TUSC3: variants seen among roughly 807,000 people sequenced by gnomAD.
TUSC3 encodes dolichyl-diphosphooligosaccharide--protein glycosyltransferase subunit TUSC3.
TUSC3 carries 45 observed loss-of-function variants against 44.8 expected under a neutral mutation model. The ratio of observed to expected loss-of-function variants is 1.00; its 90% CI spans 0.79 to 1.29. The LOEUF is 1.29. Ranked by LOEUF, TUSC3 falls within the 50% of genes most tolerant of loss-of-function variation. The pLI is 0.00. For synonymous variants in TUSC3, 212 were observed against 152.9 expected (o/e 1.39, Z -2.85); for missense variants, 519 against 437.9 (o/e 1.19, Z -1.65).
intron 2 of TUSC3, among the ~76,000 whole-genome samples, chr8:15,523,949 G>A (rs900934774): frequency 1.3e-5 from 2 of 150,684 alleles, no homozygotes; most frequent in African/African-American, 2.4e-5. Context: ...CCATCTACTC[G>A]GGAGGCTGAG....
intron 4 of TUSC3, among the ~76,000 whole-genome samples, chr8:15,661,947 A>G (rs1349351165): frequency 6.6e-6 from 1 of 152,028 alleles, no homozygotes; most frequent in Non-Finnish European, 1.5e-5. Context: ...ATTGTTAGTC[A>G]TCAGGGAAGT....
intron 2 of TUSC3, among the ~76,000 whole-genome samples, chr8:15,492,553 G>C (rs1030476112): frequency 6.6e-6 from 1 of 152,052 alleles, no homozygotes; most frequent in Non-Finnish European, 1.5e-5. Flanking sequence ...CCTATTTCTG[G>C]AAGTGTTTAA....
At chr8:15,509,162 A>G (rs956174027) in intron 2 of TUSC3, among the ~76,000 whole-genome samples, 1 of 152,232 alleles carries the variant, frequency 6.6e-6, no homozygotes. Context: ...TCTGCTAAGA[A>G]TCCACATTGT....
chr8:15,446,167 C>CGG (rs1800094835), intron 1 of TUSC3, among the ~76,000 whole-genome samples: 1 of 148,978 alleles, frequency 6.7e-6, no homozygotes, highest in Non-Finnish European at 1.5e-5. Flanking sequence ...ACATCCCAGA[C>CGG]GGGGCATCGG....
the TUSC3 span, among the ~76,000 whole-genome samples, chr8:15,847,140 G>A: frequency 1.3e-5 from 2 of 152,154 alleles, no homozygotes; most frequent in South Asian, 2.1e-4. Context: ...GGGCAGGTCT[G>A]CATGTATTGC....
At chr8:15,417,806 T>C (rs1799677598) in intron 1 of TUSC3, among the ~76,000 whole-genome samples, 1 of 152,270 alleles carries the variant, frequency 6.6e-6, no homozygotes, top group Non-Finnish European at 1.5e-5. Flanking sequence ...CGTTGGCTTA[T>C]GGTTAAGCTG....
intron 1 of TUSC3, among the ~76,000 whole-genome samples, chr8:15,460,458 T>C (rs1800329799): frequency 6.6e-6 from 1 of 152,156 alleles, no homozygotes; most frequent in Admixed American, 6.5e-5. Context: ...GTATAGATTG[T>C]GAAGATTTTC....
intron 2 of TUSC3, among the ~76,000 whole-genome samples, chr8:15,493,316 A>C (rs1202104700): frequency 2.6e-5 from 4 of 152,102 alleles, no homozygotes; most frequent in Non-Finnish European, 5.9e-5. Flanking sequence ...GCTAGAGTGC[A>C]GTGGCTCAAT....
chr8:15,848,971 A>G, the TUSC3 span, among the ~76,000 whole-genome samples: 1 of 152,204 alleles, frequency 6.6e-6, no homozygotes, highest in African/African-American at 2.4e-5. Context: ...AAAACTTTTT[A>G]CAGGCAGAAA....
At chr8:15,631,547 CTCTTT>C (rs1402195367) in intron 2 of TUSC3, among the ~76,000 whole-genome samples, 1 of 152,102 alleles carries the variant, frequency 6.6e-6, no homozygotes, top group African/African-American at 2.4e-5. Flanking sequence ...GCATTTTGCT[CTCTTT>C]TAAGTATAGG....
chr8:15,443,319 A>C (rs1198741072), intron 1 of TUSC3, among the ~76,000 whole-genome samples: 3 of 145,136 alleles, frequency 2.1e-5, no homozygotes, highest in African/African-American at 5.2e-5. Context: ...CAGGTATACA[A>C]CACCACACCC....
intron 2 of TUSC3, among the ~76,000 whole-genome samples, chr8:15,513,536 T>C (rs1383981403): frequency 2.0e-5 from 3 of 152,150 alleles, no homozygotes; most frequent in African/African-American, 7.2e-5. Flanking sequence ...AAAGAAAAAA[T>C]ATAACTAAAC....
chr8:15,637,587 T>G (rs1045329356), intron 2 of TUSC3, among the ~76,000 whole-genome samples: 1 of 152,216 alleles, frequency 6.6e-6, no homozygotes, highest in African/African-American at 2.4e-5. Flanking sequence ...TGAAGAATTT[T>G]TATTCTTTCT....
At chr8:15,805,239 T>A in the TUSC3 span, among the ~76,000 whole-genome samples, 2 of 152,126 alleles carry the variant, frequency 1.3e-5, no homozygotes, top group Non-Finnish European at 2.9e-5. Context: ...CGGTGGAGTC[T>A]TTAGGGTTTT....
chr8:15,681,702 T>C (rs1808437134), intron 6 of TUSC3, among the ~76,000 whole-genome samples: 1 of 151,980 alleles, frequency 6.6e-6, no homozygotes, highest in Admixed American at 6.5e-5. Context: ...TATTTATTTT[T>C]GTCTGCTACC....
chr8:15,689,014 C>G (rs1808770585), intron 6 of TUSC3: 2 of 255,106 alleles, frequency 7.8e-6, no homozygotes, highest in South Asian at 4.5e-5. Context: ...AACAACCGGG[C>G]CACCTGTTAC....
At chr8:15,796,522 A>T in the TUSC3 span, among the ~76,000 whole-genome samples, 1 of 152,200 alleles carries the variant, frequency 6.6e-6, no homozygotes, top group Non-Finnish European at 1.5e-5. Context: ...AGAGAACCAC[A>T]TTCATTTTCT....
chr8:15,668,085 T>C (rs980685136), intron 5 of TUSC3, among the ~76,000 whole-genome samples: 1 of 151,756 alleles, frequency 6.6e-6, no homozygotes. Context: ...TGAAAGTAAG[T>C]GTTCTCCCAC....
chr8:15,505,936 T>C (rs1801045713), intron 2 of TUSC3, among the ~76,000 whole-genome samples: 1 of 152,092 alleles, frequency 6.6e-6, no homozygotes, highest in Non-Finnish European at 1.5e-5. Context: ...AAACATACAA[T>C]AGGATACAGT....
Sources: allele counts gnomAD v4.1 joint callset (sites outside exome capture counted in the v4.1 genomes callset), GRCh38; gene constraint gnomAD v4.1.1; transcripts MANE v1.5; gene names NCBI Gene and HGNC (gene_info 2026-07-23, HGNC 2026-07-21).